The following CFL2 variants were observed in gnomAD, a reference collection of about 807,000 sequenced individuals.
The protein encoded by CFL2 is cofilin 2, also known as cofilin-2.
A neutral mutation model predicts 19.6 loss-of-function variants in CFL2; 10 were observed. The observed-to-expected ratio is 0.51, with a 90% CI of 0.31 to 0.86. The LOEUF is 0.86. Among genes scored for constraint, CFL2 ranks in the 40% least tolerant of loss-of-function variants. The pLI, the probability that CFL2 is intolerant of heterozygous loss-of-function variation, is 0.04. For missense variants in CFL2, 125 were observed against 192.1 expected (o/e 0.65, Z 2.06); for synonymous variants, 63 against 66.7 (o/e 0.95, Z 0.27).
At chr14:34,714,517 C>G in intron 1 of CFL2, 21 bp downstream of exon 1, 5 of 1,576,194 alleles carry the variant, frequency 3.2e-6, no homozygotes, top group Non-Finnish European at 4.3e-6. Flanking sequence ...CGCGGCCTCC[C>G]GGCCAGCGCG....
At chr14:34,713,773 G>A in intron 1 of CFL2, 1 of 1,610,882 alleles carries the variant, frequency 6.2e-7, no homozygotes, top group Non-Finnish European at 8.5e-7. Context: ...TCTTAAAGGG[G>A]TTTGGACGTG....
rs1231376291 is a variant in CFL2, at chr14:34,713,268, T to C, written c.297A>G (p.Leu99=). Residue 99 remains leucine (L), a synonymous_variant, in exon 2 of 4, where the codon CTA becomes CTG. Transcript: ENST00000298159. ...YETKESKKED[L]VFIFWAPESA... Reference sequence around the variant, plus strand: ...TTTTTACACACCAGAATATAAATACTAGGTCTTCTTTCTTAGACTCTTTTG... The same window carrying C: ...TTTTTACACACCAGAATATAAATACCAGGTCTTCTTTCTTAGACTCTTTTG... The C allele has an allele frequency of 1.2e-6, 2 of 1,612,190 alleles. No individual in the cohort carries two copies. Among genetic ancestry groups the C allele is most frequent in the South Asian group, 1.1e-5 (1 of 90,680 alleles).
chr14:34,713,199 T>C, intron 2 of CFL2, 55 bp downstream of exon 2: 1 of 1,518,166 alleles, frequency 6.6e-7, no homozygotes, highest in South Asian at 1.2e-5. Flanking sequence ...AGACTGACTA[T>C]GATAATAATA....
rs1297485176 is a variant in CFL2 at position 34,712,114 on chromosome 14, C to G, written c.*751G>C. ...TTAAGGCTCTTTTATACAGAAATTGCCATCATGACTGATATTCAAAATATC... is the reference window on the plus strand; with the variant it reads ...TTAAGGCTCTTTTATACAGAAATTGGCATCATGACTGATATTCAAAATATC... On this transcript the variant is annotated 3_prime_UTR_variant, in exon 4 of 4. Coordinates refer to ENST00000298159, the MANE Select transcript of CFL2 (RefSeq NM_138638.5). 1 of 454,328 alleles carries G rather than the reference C, an allele frequency of 2.2e-6. No homozygotes were observed. The highest frequency in any genetic ancestry group is 2.0e-5 in the African/African-American group (1 of 49,992). The allele number at this position is 454,328 out of a possible 1,614,324, so 28.1% of individuals were successfully genotyped here.
intron 3 of CFL2, 21 bp from the exon 4 acceptor site, chr14:34,712,998 C>A: frequency 6.4e-7 from 1 of 1,563,800 alleles, no homozygotes; most frequent in East Asian, 2.2e-5. Flanking sequence ...AAAACATTAT[C>A]CTATTACTTT....
intron 1 of CFL2, chr14:34,714,265 T>G: frequency 2.3e-6 from 1 of 426,238 alleles, no homozygotes; most frequent in Non-Finnish European, 4.1e-6. Context: ...GCGGCTGCAG[T>G]CCGCAGACCC....
chr14:34,712,088 T>C lies in CFL2; in HGVS notation c.*777A>G. The C allele has an allele frequency of 2.2e-6, 1 of 454,552 alleles. No homozygotes were observed. 28.2% of individuals were successfully genotyped at this position (454,552 alleles called of 1,614,324 possible). On this transcript the variant is annotated 3_prime_UTR_variant, in exon 4 of 4. Coordinates refer to ENST00000298159, the MANE Select transcript of CFL2 (RefSeq NM_138638.5). The stretch of plus-strand genomic sequence containing the variant: ...AGTTTGATCTCAAAACAATGTTCCA[T>C]TTAAGGCTCTTTTATACAGAAATTG...
rs930280549 is a variant in CFL2, at chr14:34,712,174, A to T, written c.*691T>A. On this transcript the variant is annotated 3_prime_UTR_variant, in exon 4 of 4. Coordinates refer to ENST00000298159, the MANE Select transcript of CFL2 (RefSeq NM_138638.5). Reference sequence around the variant, plus strand: ...GCAGGACTCACATGGTAAACATAAAACTCCTACACTTATTCAGTAGTGTAC... The same window carrying T: ...GCAGGACTCACATGGTAAACATAAATCTCCTACACTTATTCAGTAGTGTAC... 2 of 454,366 alleles carry T rather than the reference A, an allele frequency of 4.4e-6. No individual in the cohort carries two copies. The highest frequency in any genetic ancestry group is 2.4e-5 in the Admixed American group (1 of 42,538). 28.1% of individuals were successfully genotyped at this position (454,366 alleles called of 1,614,324 possible). A position where few individuals can be genotyped will look rare whatever the true frequency, so the allele number is the denominator to read the frequency against.
Position 34,710,607 on chromosome 14 carries a change from C to T in CFL2, c.*2258G>A, listed in dbSNP as rs749939271. On this transcript the variant is annotated 3_prime_UTR_variant, in exon 4 of 4. Coordinates refer to ENST00000298159, the MANE Select transcript of CFL2 (RefSeq NM_138638.5). ...TAAAATAAAATGATCATTTCAAATG[C>T]CAAATTAATCTCAAATAACAAGTGA... The T allele has an allele frequency of 7.0e-6, 3 of 430,958 alleles. No homozygotes were observed. The highest frequency in any genetic ancestry group is 3.4e-5 in the South Asian group (2 of 58,890). The allele number at this position is 430,958 out of a possible 1,614,324, so 26.7% of individuals were successfully genotyped here.
At chr14:34,713,666 C>G in intron 1 of CFL2, 105 bp from the exon 2 acceptor site, 2 of 1,613,470 alleles carry the variant, frequency 1.2e-6, no homozygotes, top group Non-Finnish European at 1.7e-6. Context: ...TCAAAAATTG[C>G]ACCGTACCAT....
chr14:34,713,301 T>C lies in CFL2; in HGVS notation c.264A>G (p.Thr88=), dbSNP rs1326500112. The C allele has an allele frequency of 1.2e-6, 2 of 1,613,794 alleles. No homozygotes were observed. Among genetic ancestry groups the C allele is most frequent in the Non-Finnish European group, 8.5e-7 (1 of 1,179,900 alleles). ...CTTTCTTAGACTCTTTTGTTTCGTA[T>C]GTGGCATCGTACAAAGCATATCGGC... ...NDCRYALYDA[T]YETKESKKED... The change falls in exon 2 of 4, where the codon ACA becomes ACG. Residue 88 remains threonine, a synonymous_variant. Coordinates refer to ENST00000298159, the MANE Select transcript of CFL2 (RefSeq NM_138638.5).
intron 1 of CFL2, chr14:34,714,317 C>T: frequency 1.5e-6 from 1 of 680,462 alleles, no homozygotes; most frequent in Non-Finnish European, 2.1e-6. Context: ...CCAACCTGCG[C>T]CGACGCCCGG....
chr14:34,710,863 T>A lies in CFL2; in HGVS notation c.*2002A>T. ...TATAGTCCCTTATTTTTTAAAAGAATGAGGAAATAACTCAATGAAAAATTC... is the reference window on the plus strand; with the variant it reads ...TATAGTCCCTTATTTTTTAAAAGAAAGAGGAAATAACTCAATGAAAAATTC... On this transcript the variant is annotated 3_prime_UTR_variant, in exon 4 of 4. Coordinates refer to ENST00000298159, the MANE Select transcript of CFL2 (RefSeq NM_138638.5). The A allele has an allele frequency of 2.2e-6, 1 of 453,952 alleles. No homozygotes were observed. Among genetic ancestry groups the A allele is most frequent in the East Asian group, 6.9e-5 (1 of 14,414 alleles). 28.1% of individuals were successfully genotyped at this position (453,952 alleles called of 1,614,324 possible).
chr14:34,713,958 A>C (rs1384409910), intron 1 of CFL2: 3 of 756,752 alleles, frequency 4.0e-6, no homozygotes, highest in Non-Finnish European at 4.0e-6. Context: ...TTTTTCTTTA[A>C]AGTCATCCTA....
chr14:34,709,558 TGA>T lies in CFL2; in HGVS notation c.*3305_*3306del, dbSNP rs1885215124. On this transcript the variant is annotated 3_prime_UTR_variant, in exon 4 of 4. Coordinates refer to ENST00000298159, the MANE Select transcript of CFL2 (RefSeq NM_138638.5). ...GGGAGGCGGAGGTCAGAGGACAGCT[TGA>T]GCCCAGGAGTTGGAGATCAGCCTAG... 1 of 149,442 alleles carries T rather than the reference TGA, an allele frequency of 6.7e-6. No individual in the cohort carries two copies. The highest frequency in any genetic ancestry group is 1.5e-5 in the Non-Finnish European group (1 of 67,692). 9.3% of individuals were successfully genotyped at this position (149,442 alleles called of 1,614,324 possible). A position where few individuals can be genotyped will look rare whatever the true frequency, so the allele number is the denominator to read the frequency against.
At position 34,713,528 on chromosome 14, in the gene CFL2, T is replaced by C. The variant is rs1222172951; in HGVS notation, c.37A>G (p.Lys13Glu). 1.9e-6 allele frequency: 3 copies of C among 1,613,996 alleles called. No individual in the cohort carries two copies. Among genetic ancestry groups the C allele is most frequent in the Non-Finnish European group, 2.5e-6 (3 of 1,180,034 alleles). Residue 13 changes from lysine to glutamate, a missense_variant, in exon 2 of 4, where the codon AAA becomes GAA. Physicochemically the swap from Lys to Glu is moderately conservative, Grantham distance 56. Transcript: ENST00000298159. ...SGVTVNDEVI[K>E]VFNDMKVRKS... Reference sequence around the variant, plus strand: ...CTTACTTTCATATCATTAAAAACTTTGATGACTTCATCATTCACTGTAACT... The same window carrying C: ...CTTACTTTCATATCATTAAAAACTTCGATGACTTCATCATTCACTGTAACT...
rs947214379 is a variant in CFL2, at chr14:34,711,366, T to G, written c.*1499A>C. 1.5e-5 allele frequency: 7 copies of G among 454,428 alleles called. No homozygotes were observed. The highest frequency in any genetic ancestry group is 3.1e-5 in the Non-Finnish European group (7 of 226,796). 28.1% of individuals were successfully genotyped at this position (454,428 alleles called of 1,614,324 possible). A position where few individuals can be genotyped will look rare whatever the true frequency, so the allele number is the denominator to read the frequency against. ...TACAAAAGCATGTGTTTGCCATAAATAGCCCTGGCTAACAGCAAACCGCTC... is the reference window on the plus strand; with the variant it reads ...TACAAAAGCATGTGTTTGCCATAAAGAGCCCTGGCTAACAGCAAACCGCTC... On this transcript the variant is annotated 3_prime_UTR_variant, in exon 4 of 4. Transcript: ENST00000298159.
Position 34,712,091 on chromosome 14 carries a change from A to G in CFL2, c.*774T>C, listed in dbSNP as rs1187986073. 2 of 454,394 alleles carry G rather than the reference A, an allele frequency of 4.4e-6. No homozygotes were observed. Among genetic ancestry groups the G allele is most frequent in the African/African-American group, 2.0e-5 (1 of 50,004 alleles). The allele number at this position is 454,394 out of a possible 1,614,324, so 28.1% of individuals were successfully genotyped here. ...TTGATCTCAAAACAATGTTCCATTT[A>G]AGGCTCTTTTATACAGAAATTGCCA... On this transcript the variant is annotated 3_prime_UTR_variant, in exon 4 of 4. Coordinates refer to ENST00000298159, the MANE Select transcript of CFL2 (RefSeq NM_138638.5).
chr14:34,712,925 C>G lies in CFL2; in HGVS notation c.441G>C (p.Ser147=), dbSNP rs145938782. 2.5e-6 allele frequency: 4 copies of G among 1,612,014 alleles called. No individual in the cohort carries two copies. Among genetic ancestry groups the G allele is most frequent in the African/African-American group, 1.3e-5 (1 of 74,988 alleles). ...VNGLDDIKDR[S]TLGEKLGGNV... ...TGCCTCCCAATTTCTCTCCAAGTGT[C>G]GAACGGTCCTTAATATCATCCAAGC... The change falls in exon 4 of 4, where the codon TCG becomes TCC. Residue 147 remains serine (S), a synonymous_variant. Coordinates refer to ENST00000298159, the MANE Select transcript of CFL2 (RefSeq NM_138638.5).
Sources: gnomAD v4.1 joint callset for allele counts on GRCh38, gnomAD v4.1.1 for gene constraint, MANE v1.5 for transcripts, NCBI Gene and HGNC (gene_info 2026-07-23, HGNC 2026-07-21) for gene names.